The following INPP4B variants were observed in gnomAD, a reference collection of about 807,000 sequenced individuals.
INPP4B encodes inositol polyphosphate-4-phosphatase type II B.
A neutral mutation model predicts 122.5 loss-of-function variants in INPP4B; 55 were observed. The ratio of observed to expected loss-of-function variants is 0.45; its 90% confidence interval spans 0.36 to 0.56. INPP4B has a LOEUF of 0.56. Among genes scored for constraint, INPP4B ranks in the 20% least tolerant of loss-of-function variants. The pLI is 0.00. For synonymous variants in INPP4B, 403 were observed against 388.7 expected (o/e 1.04, Z -0.43); for missense variants, 1,000 against 1,097.7 (o/e 0.91, Z 1.26).
At chr4:142,720,621 T>A (rs901297356) in intron 2 of INPP4B, among the ~76,000 whole-genome samples, 1 of 150,350 alleles carries the variant, frequency 6.7e-6, no homozygotes, top group Admixed American at 6.7e-5. Context: ...ATTTGTATTA[T>A]TTTTTATTGT....
chr4:142,570,592 C>T (rs989434087), intron 2 of INPP4B, among the ~76,000 whole-genome samples: 1 of 151,624 alleles, frequency 6.6e-6, no homozygotes. Context: ...AATCTAACAC[C>T]CAGAAGATGC....
At chr4:142,688,818 G>A (rs780597677) in intron 2 of INPP4B, among the ~76,000 whole-genome samples, 2 of 152,184 alleles carry the variant, frequency 1.3e-5, no homozygotes, top group Admixed American at 6.5e-5. Context: ...TAAATTGCTC[G>A]TGGGGATACC....
At chr4:142,214,583 C>T (rs1028272648) in intron 12 of INPP4B, among the ~76,000 whole-genome samples, 4 of 152,170 alleles carry the variant, frequency 2.6e-5, no homozygotes, top group East Asian at 1.9e-4. Flanking sequence ...GATGGAGTCT[C>T]GCTCTGCCGC....
chr4:142,114,100 A>G (rs954496107), intron 21 of INPP4B, among the ~76,000 whole-genome samples: 4 of 152,052 alleles, frequency 2.6e-5, no homozygotes, highest in African/African-American at 7.2e-5. Context: ...TTCACCTAGC[A>G]TAATGTTTTT....
chr4:142,689,472 T>A (rs1443059537), intron 2 of INPP4B, among the ~76,000 whole-genome samples: 1 of 152,212 alleles, frequency 6.6e-6, no homozygotes, highest in African/African-American at 2.4e-5. Flanking sequence ...TACTTTCAAC[T>A]AGTGATTTCA....
chr4:142,192,687 A>G (rs1380954493), intron 15 of INPP4B, among the ~76,000 whole-genome samples: 2 of 152,198 alleles, frequency 1.3e-5, no homozygotes, highest in African/African-American at 4.8e-5. Flanking sequence ...GCCTCAGGCC[A>G]GCATGGAAAT....
At chr4:142,412,375 T>G (rs2149252211) in intron 5 of INPP4B, among the ~76,000 whole-genome samples, 1 of 152,298 alleles carries the variant, frequency 6.6e-6, no homozygotes, top group Non-Finnish European at 1.5e-5. Flanking sequence ...TCAAGAATTT[T>G]AAGACAGCAA....
intron 25 of INPP4B, among the ~76,000 whole-genome samples, chr4:142,051,338 G>T (rs965606341): frequency 2.0e-5 from 3 of 151,776 alleles, no homozygotes; most frequent in Non-Finnish European, 4.4e-5. Flanking sequence ...TTCCTATACA[G>T]TATTCCGTAA....
intron 2 of INPP4B, among the ~76,000 whole-genome samples, chr4:142,682,945 T>C (rs565998226): frequency 2.1e-3 from 317 of 152,104 alleles, no homozygotes; most frequent in African/African-American, 7.0e-3. Context: ...ATATATTATG[T>C]ATATGCATAT....
At chr4:142,290,641 C>T (rs1756040882) in intron 9 of INPP4B, among the ~76,000 whole-genome samples, 1 of 152,134 alleles carries the variant, frequency 6.6e-6, no homozygotes, top group African/African-American at 2.4e-5. Context: ...TTGTTTGAAA[C>T]ACTACCACCA....
At chr4:142,585,851 T>TATTATTATC (rs1159273584) in intron 2 of INPP4B, among the ~76,000 whole-genome samples, 1 of 143,962 alleles carries the variant, frequency 6.9e-6, no homozygotes, top group Non-Finnish European at 1.5e-5. Flanking sequence ...AACACTTTAT[T>TATTATTATC]ATTATTATTA....
intron 3 of INPP4B, among the ~76,000 whole-genome samples, chr4:142,440,349 C>T (rs1280562879): frequency 1.3e-5 from 2 of 152,144 alleles, no homozygotes; most frequent in Non-Finnish European, 2.9e-5. Context: ...AGGATGACTG[C>T]ATGGAAGAGG....
At chr4:142,838,606 A>G (rs1783111275) in intron 1 of INPP4B, among the ~76,000 whole-genome samples, 1 of 152,208 alleles carries the variant, frequency 6.6e-6, no homozygotes, top group Non-Finnish European at 1.5e-5. Flanking sequence ...AAAATTATAC[A>G]TATGCTTTGC....
chr4:142,135,776 GT>G (rs1327449864), intron 18 of INPP4B, among the ~76,000 whole-genome samples: 3 of 150,760 alleles, frequency 2.0e-5, no homozygotes. Context: ...GGTGTTTTTT[GT>G]TTGTTTGTTT....
At chr4:142,661,120 G>A (rs1447260082) in intron 2 of INPP4B, among the ~76,000 whole-genome samples, 1 of 152,052 alleles carries the variant, frequency 6.6e-6, no homozygotes, top group Non-Finnish European at 1.5e-5. Context: ...GGATTCAAAC[G>A]CCAGGCAGGT....
chr4:142,497,065 A>C (rs1280317862), intron 2 of INPP4B: 1 of 152,112 alleles, frequency 6.6e-6, no homozygotes, highest in Non-Finnish European at 1.5e-5. Flanking sequence ...TGTTTGTTTT[A>C]GGGGATTCGT....
intron 1 of INPP4B, among the ~76,000 whole-genome samples, chr4:142,728,544 A>G (rs909954988): frequency 1.3e-5 from 2 of 152,184 alleles, no homozygotes; most frequent in African/African-American, 2.4e-5. Context: ...AACTAGTATG[A>G]CTGGCAACCT....
At chr4:142,570,818 T>C (rs1304304106) in intron 2 of INPP4B, among the ~76,000 whole-genome samples, 1 of 151,970 alleles carries the variant, frequency 6.6e-6, no homozygotes, top group Non-Finnish European at 1.5e-5. Flanking sequence ...TCTCCTTTCA[T>C]GTCAAGCCTA....
At chr4:142,771,213 G>A (rs1197250455) in intron 1 of INPP4B, among the ~76,000 whole-genome samples, 2 of 152,120 alleles carry the variant, frequency 1.3e-5, no homozygotes, top group African/African-American at 4.8e-5. Context: ...GTGGGTAAAT[G>A]TCACCATACC....
Sources: allele counts gnomAD v4.1 joint callset (sites outside exome capture counted in the v4.1 genomes callset), GRCh38; gene constraint gnomAD v4.1.1; transcripts MANE v1.5; gene names NCBI Gene and HGNC (gene_info 2026-07-23, HGNC 2026-07-21).